Variants in IRAK1BP1 observed in about 807,000 individuals in gnomAD.
IRAK1BP1 encodes interleukin-1 receptor-associated kinase 1-binding protein 1.
In IRAK1BP1, 24 loss-of-function variants were observed where a neutral mutation model predicts 28.0. The ratio of observed to expected loss-of-function variants is 0.86; its 90% confidence interval spans 0.62 to 1.20. The LOEUF (loss-of-function observed/expected upper bound fraction) is 1.20. Ranked by LOEUF, IRAK1BP1 falls within the 50% of genes most tolerant of loss-of-function variation. The pLI, the probability that IRAK1BP1 is intolerant of heterozygous loss-of-function variation, is 0.00. For missense variants in IRAK1BP1, 336 were observed against 316.7 expected (o/e 1.06, Z -0.46); for synonymous variants, 131 against 116.3 (o/e 1.13, Z -0.81).
chr6:78,879,116 G>T (rs1170708879), intron 1 of IRAK1BP1, among the ~76,000 whole-genome samples: 2 of 152,162 alleles, frequency 1.3e-5, no homozygotes, highest in African/African-American at 4.8e-5. Context: ...GCAAGGCTAG[G>T]TTGAGTTCTC....
At chr6:78,958,833 T>C in the IRAK1BP1 span, among the ~76,000 whole-genome samples, 3 of 152,024 alleles carry the variant, frequency 2.0e-5, no homozygotes, top group Non-Finnish European at 4.4e-5. Context: ...GAACACACCA[T>C]ATTAACAAAG....
At position 78,945,368 on chromosome 6, in the gene IRAK1BP1, C is replaced by T. The variant is rs760455292; in HGVS notation, c.*68-40C>T. 4 of 1,613,694 alleles carry T rather than the reference C, an allele frequency of 2.5e-6. No homozygotes were observed. The African/African-American group carries it at 4.0e-5, about 16-fold the overall frequency. On this transcript the variant is annotated intron_variant and NMD_transcript_variant, in intron 4 of 4. Coordinates refer to the IRAK1BP1 transcript ENST00000606868. The stretch of plus-strand genomic sequence containing the variant: ...TGGGAGTACAGATGACTTCATTTTA[C>T]GTTTGACTGGCTTTTCCTTTTCCAT...
At position 78,920,853 on chromosome 6, in the gene IRAK1BP1, T is replaced by A. The variant is rs1286295783; in HGVS notation, c.*67+17743T>A. 3.3e-5 allele frequency among the ~76,000 whole-genome samples: 5 copies of A among 152,264 alleles called. No individual in the cohort carries two copies. The East Asian group carries it at 9.7e-4, about 29-fold the overall frequency. On this transcript the variant is annotated intron_variant and NMD_transcript_variant, in intron 4 of 4. Transcript: ENST00000606868. Reference sequence around the variant, plus strand: ...ATATATATCAACAGAGTAAACAACCTACAGAATGGGAGAAAATATTTGCAA... The same window carrying A: ...ATATATATCAACAGAGTAAACAACCAACAGAATGGGAGAAAATATTTGCAA...
At chr6:78,938,858 T>G (rs1246017065) in intron 4 of IRAK1BP1, 1 of 151,690 alleles carries the variant, frequency 6.6e-6, no homozygotes, top group East Asian at 1.9e-4. Context: ...TGTATCACTT[T>G]TTCATTCTTC....
At chr6:78,868,003 G>T (rs1387562968) in intron 1 of IRAK1BP1, 112 bp downstream of exon 1, 1 of 1,167,118 alleles carries the variant, frequency 8.6e-7, no homozygotes, top group African/African-American at 1.6e-5. Flanking sequence ...GGTCTGGAGC[G>T]TTTAGGACGC....
At chr6:78,887,711 C>T (rs1582008392) in intron 2 of IRAK1BP1, among the ~76,000 whole-genome samples, 3 of 151,924 alleles carry the variant, frequency 2.0e-5, no homozygotes, top group South Asian at 2.1e-4. Flanking sequence ...AAGACAGTGT[C>T]GATGAGAAAG....
At chr6:78,874,502 C>T (rs1581990740) in intron 1 of IRAK1BP1, among the ~76,000 whole-genome samples, 1 of 152,106 alleles carries the variant, frequency 6.6e-6, no homozygotes, top group South Asian at 2.1e-4. Flanking sequence ...TGTTACGGTC[C>T]TGTGCCAGTA....
intron 1 of IRAK1BP1, among the ~76,000 whole-genome samples, chr6:78,875,872 T>G (rs1160742897): frequency 6.6e-6 from 1 of 152,082 alleles, no homozygotes; most frequent in Non-Finnish European, 1.5e-5. Flanking sequence ...AATAAATAAA[T>G]AAAAATATAT....
chr6:78,971,727 A>G, the IRAK1BP1 span, among the ~76,000 whole-genome samples: 3 of 152,136 alleles, frequency 2.0e-5, no homozygotes, highest in African/African-American at 7.2e-5. Flanking sequence ...AAGCACAGGG[A>G]GTCAGGGAGT....
Position 78,900,914 on chromosome 6 carries a change from T to C in IRAK1BP1, c.*2580T>C, listed in dbSNP as rs1772071876. 1 of 152,130 alleles carries C rather than the reference T, an allele frequency of 6.6e-6. No homozygotes were observed. Among genetic ancestry groups the C allele is most frequent in the Admixed American group, 6.6e-5 (1 of 15,258 alleles). 9.4% of individuals were successfully genotyped at this position (152,130 alleles called of 1,614,324 possible). ...AAAGTTGGCTTTTCCAAATCCTCCA[T>C]TAGGAAGAATTTTTAAATAGCCATA... On this transcript the variant is annotated 3_prime_UTR_variant, in exon 4 of 4. Transcript: ENST00000369940.
intron 4 of IRAK1BP1, among the ~76,000 whole-genome samples, chr6:78,923,519 A>G (rs990829242): frequency 6.6e-6 from 1 of 152,174 alleles, no homozygotes; most frequent in Non-Finnish European, 1.5e-5. Flanking sequence ...TGAGACAGAA[A>G]GTTAACATGG....
At chr6:78,918,307 TA>T (rs1167841543) in intron 4 of IRAK1BP1, among the ~76,000 whole-genome samples, 2 of 151,940 alleles carry the variant, frequency 1.3e-5, no homozygotes, top group Non-Finnish European at 2.9e-5. Flanking sequence ...AAAAAAAAAT[TA>T]TTTTTAAAAT....
intron 4 of IRAK1BP1, among the ~76,000 whole-genome samples, chr6:78,917,594 G>T (rs949472399): frequency 1.5e-5 from 2 of 136,744 alleles, no homozygotes; most frequent in African/African-American, 2.8e-5. Context: ...AATGAACATT[G>T]CCAAGGCATA....
intron 4 of IRAK1BP1, among the ~76,000 whole-genome samples, chr6:78,909,860 ACTCT>A (rs566155789): frequency 2.6e-5 from 4 of 151,966 alleles, no homozygotes; most frequent in South Asian, 2.1e-4. Context: ...TTTTTTGCTC[ACTCT>A]CAGCAGAATC....
chr6:78,916,740 C>T (rs1013468297), intron 4 of IRAK1BP1, among the ~76,000 whole-genome samples: 1 of 151,904 alleles, frequency 6.6e-6, no homozygotes, highest in African/African-American at 2.4e-5. Context: ...TGGTTAGAGA[C>T]AAGCCCAGGC....
the IRAK1BP1 span, chr6:78,970,659 A>C: frequency 4.6e-6 from 3 of 652,768 alleles, no homozygotes; most frequent in Admixed American, 9.4e-5. Flanking sequence ...GGACTGCTTC[A>C]ATTAAACAAG....
chr6:78,928,616 C>T (rs1353543161), intron 4 of IRAK1BP1, among the ~76,000 whole-genome samples: 3 of 152,066 alleles, frequency 2.0e-5, no homozygotes, highest in Non-Finnish European at 2.9e-5. Flanking sequence ...GAAAGGTTTT[C>T]AGTTTTTCCC....
chr6:78,879,514 A>G (rs1771143633), intron 1 of IRAK1BP1, among the ~76,000 whole-genome samples: 1 of 152,182 alleles, frequency 6.6e-6, no homozygotes, highest in Admixed American at 6.5e-5. Context: ...AAATGTCTGT[A>G]TGCAAAAAAA....
At chr6:78,972,897 G>A in the IRAK1BP1 span, among the ~76,000 whole-genome samples, 14,410 of 152,176 alleles carry the variant, frequency 0.095, 792 homozygotes, top group Middle Eastern at 0.14. Flanking sequence ...CCAAATCTAC[G>A]TCTGATTGGT....
Sources: allele counts gnomAD v4.1 joint callset (sites outside exome capture counted in the v4.1 genomes callset), GRCh38; gene constraint gnomAD v4.1.1; transcripts MANE v1.5; gene names NCBI Gene and HGNC (gene_info 2026-07-23, HGNC 2026-07-21).